The following SYT9 variants were observed in gnomAD, a reference collection of about 807,000 sequenced individuals.
SYT9 encodes synaptotagmin-9.
A neutral mutation model predicts 48.4 loss-of-function variants in SYT9; 22 were observed. The ratio of observed to expected loss-of-function variants is 0.45; its 90% CI spans 0.32 to 0.65. The LOEUF is 0.65. Among genes scored for constraint, SYT9 ranks in the 30% least tolerant of loss-of-function variants. The pLI is 0.03. For missense variants in SYT9, 577 were observed against 622.0 expected (o/e 0.93, Z 0.77); for synonymous variants, 265 against 245.0 (o/e 1.08, Z -0.76).
chr11:7,254,497 A>G (rs1239214740), intron 1 of SYT9, among the ~76,000 whole-genome samples: 1 of 152,182 alleles, frequency 6.6e-6, no homozygotes, highest in Non-Finnish European at 1.5e-5. Flanking sequence ...CCTCTGAAGC[A>G]AGAGTGTCTT....
chr11:7,345,553 G>A (rs1188237242), intron 3 of SYT9, among the ~76,000 whole-genome samples: 1 of 152,148 alleles, frequency 6.6e-6, no homozygotes, highest in African/African-American at 2.4e-5. Context: ...CCAGATGTTG[G>A]TATTTACTGA....
chr11:7,451,381 T>G (rs1848044478), intron 6 of SYT9, among the ~76,000 whole-genome samples: 1 of 152,212 alleles, frequency 6.6e-6, no homozygotes, highest in Admixed American at 6.5e-5. Flanking sequence ...TTTGCAAAGA[T>G]TTTACTCCCC....
intron 3 of SYT9, among the ~76,000 whole-genome samples, chr11:7,399,437 G>A (rs548232566): frequency 1.3e-5 from 2 of 152,310 alleles, no homozygotes; most frequent in East Asian, 3.9e-4. Context: ...GATCTATCAT[G>A]ATTCAATGAA....
intron 1 of SYT9, among the ~76,000 whole-genome samples, chr11:7,242,049 G>C (rs1022579286): frequency 6.6e-6 from 1 of 152,210 alleles, no homozygotes; most frequent in Non-Finnish European, 1.5e-5. Flanking sequence ...TTATGGAAAT[G>C]ATTAAATTAA....
chr11:7,393,733 C>A (rs1041274147), intron 3 of SYT9, among the ~76,000 whole-genome samples: 3 of 151,938 alleles, frequency 2.0e-5, no homozygotes, highest in African/African-American at 7.3e-5. Flanking sequence ...CTTTTTCTCA[C>A]TGATAGGTTT....
At chr11:7,397,692 C>T (rs1445847627) in intron 3 of SYT9, among the ~76,000 whole-genome samples, 2 of 152,098 alleles carry the variant, frequency 1.3e-5, no homozygotes, top group African/African-American at 4.8e-5. Context: ...TCTAATTTCT[C>T]TCATCAATGT....
chr11:7,241,761 A>G (rs1388955466), intron 1 of SYT9, among the ~76,000 whole-genome samples: 3 of 152,202 alleles, frequency 2.0e-5, no homozygotes, highest in Admixed American at 6.5e-5. Context: ...CGATGTGTGG[A>G]TTTGGTTTTC....
intron 2 of SYT9, among the ~76,000 whole-genome samples, chr11:7,308,809 G>A (rs984823058): frequency 2.0e-5 from 3 of 152,130 alleles, no homozygotes; most frequent in African/African-American, 7.2e-5. Context: ...TTGCAAATTC[G>A]AATTTGTTGA....
intron 3 of SYT9, among the ~76,000 whole-genome samples, chr11:7,349,766 C>T (rs1293635945): frequency 1.3e-5 from 2 of 152,178 alleles, no homozygotes; most frequent in Non-Finnish European, 2.9e-5. Flanking sequence ...TAGAAGGGTT[C>T]ATTACTCGCC....
Position 7,318,709 on chromosome 11 carries a change from G to A in SYT9, c.1044+4768G>A, listed in dbSNP as rs1052490519. The stretch of plus-strand genomic sequence containing the variant: ...TTTTATCACACGTAATTGTTTTATC[G>A]TATGCTATAATCCAGTGAGGTTTTT... On this transcript the variant is annotated intron_variant, in intron 3 of 6. Coordinates refer to ENST00000318881, the MANE Select transcript of SYT9 (RefSeq NM_175733.4). 3.3e-5 allele frequency among the ~76,000 whole-genome samples: 5 copies of A among 151,998 alleles called. No homozygotes were observed. The South Asian group carries it at 6.2e-4, about 19-fold the overall frequency.
intron 1 of SYT9, among the ~76,000 whole-genome samples, chr11:7,271,239 T>G (rs1275355220): frequency 1.3e-5 from 2 of 152,150 alleles, no homozygotes; most frequent in Non-Finnish European, 1.5e-5. Context: ...GCATTTTTCT[T>G]TCATCCTGAT....
chr11:7,375,230 G>C (rs925864695), intron 3 of SYT9, among the ~76,000 whole-genome samples: 2 of 152,170 alleles, frequency 1.3e-5, no homozygotes, highest in Admixed American at 1.3e-4. Context: ...GATGGTTGTA[G>C]ATGTGTGGTG....
intron 3 of SYT9, among the ~76,000 whole-genome samples, chr11:7,400,460 C>T (rs1465154214): frequency 6.6e-6 from 1 of 152,162 alleles, no homozygotes; most frequent in South Asian, 2.1e-4. Flanking sequence ...TCCAGTTGTT[C>T]CTTCATTAAC....
chr11:7,249,736 A>G (rs1172650493), upstream of SYT9, among the ~76,000 whole-genome samples: 1 of 152,234 alleles, frequency 6.6e-6, no homozygotes, highest in South Asian at 2.1e-4. Context: ...AACAGCCCAA[A>G]GATACACGTT....
intron 3 of SYT9, among the ~76,000 whole-genome samples, chr11:7,368,295 A>T (rs1156496240): frequency 2.0e-5 from 3 of 152,168 alleles, no homozygotes; most frequent in African/African-American, 4.8e-5. Flanking sequence ...TAAGCTTTAT[A>T]TATCACTAAA....
chr11:7,287,263 A>G (rs899172204), intron 1 of SYT9, among the ~76,000 whole-genome samples: 51 of 152,130 alleles, frequency 3.4e-4, no homozygotes, highest in African/African-American at 1.2e-3. Flanking sequence ...AAACCATCGG[A>G]TCTCTTGAGA....
At chr11:7,325,276 CT>C (rs1849411217) in intron 3 of SYT9, among the ~76,000 whole-genome samples, 1 of 140,990 alleles carries the variant, frequency 7.1e-6, no homozygotes, top group Admixed American at 7.3e-5. Flanking sequence ...TTTGTATCCT[CT>C]TTTATTTCCT....
rs1396817880 is a variant in SYT9, at chr11:7,252,199, A to G, written c.13A>G (p.Arg5Gly). The G allele has an allele frequency of 2.0e-6, 3 of 1,464,414 alleles. No homozygotes were observed. The East Asian group carries it at 9.0e-5, about 44-fold the overall frequency. 90.7% of individuals were successfully genotyped at this position (1,464,414 alleles called of 1,614,324 possible). A position where few individuals can be genotyped will look rare whatever the true frequency, so the allele number is the denominator to read the frequency against. Residue 5 changes from arginine to glycine, a missense_variant, in exon 1 of 7, where the codon AGG becomes GGG. Transcript: ENST00000318881. This position sits in a 1 kb window ranked among gnomAD's most constrained non-coding sequence, Gnocchi z 6.3. ...ATGCGGGGGGGCGATGCCCGGGGCCAGGGACGCGCTCTGTCACCAGGCGCT... is the reference window on the plus strand; with the variant it reads ...ATGCGGGGGGGCGATGCCCGGGGCCGGGGACGCGCTCTGTCACCAGGCGCT... The part of the protein sequence containing the change: MPGA[R>G]DALCHQALQL...
At chr11:7,447,649 TG>T (rs1847959207) in intron 6 of SYT9, among the ~76,000 whole-genome samples, 1 of 152,262 alleles carries the variant, frequency 6.6e-6, no homozygotes, top group South Asian at 2.1e-4. Context: ...GAACAGATAC[TG>T]TATCTCATTC....
Sources: allele counts gnomAD v4.1 joint callset (sites outside exome capture counted in the v4.1 genomes callset), GRCh38; gene constraint gnomAD v4.1.1; non-coding constraint Gnocchi (gnomAD v3.1); transcripts MANE v1.5; gene names NCBI Gene and HGNC (gene_info 2026-07-23, HGNC 2026-07-21).